The following PLCZ1 variants were observed in gnomAD, a reference collection of about 807,000 sequenced individuals.
PLCZ1 encodes 1-phosphatidylinositol 4,5-bisphosphate phosphodiesterase zeta-1.
PLCZ1 carries 64 observed loss-of-function variants against 76.8 expected under a neutral mutation model. The ratio of observed to expected loss-of-function variants is 0.83; its 90% confidence interval spans 0.68 to 1.03. The LOEUF is 1.03. Among genes scored for constraint, PLCZ1 ranks in the 50% least tolerant of loss-of-function variants. PLCZ1 has a pLI of 0.00. For synonymous variants in PLCZ1, 248 were observed against 230.8 expected, an observed-to-expected ratio of 1.07 and a Z score of -0.68; for missense variants, 751 against 713.7, an observed-to-expected ratio of 1.05 and a Z score of -0.60.
downstream of PLCZ1, among the ~76,000 whole-genome samples, chr12:18,681,817 G>T (rs1471798983): frequency 1.3e-5 from 2 of 152,006 alleles, no homozygotes; most frequent in Non-Finnish European, 2.9e-5. Flanking sequence ...TCATTTCAAA[G>T]CTTGATGGTA....
chr12:18,712,581 A>T (rs1471776592), intron 6 of PLCZ1, among the ~76,000 whole-genome samples: 1 of 152,146 alleles, frequency 6.6e-6, no homozygotes, highest in Non-Finnish European at 1.5e-5. Flanking sequence ...TAATAAATAT[A>T]TTTTACCTTG....
At chr12:18,721,348 T>C (rs2137532092) in intron 4 of PLCZ1, among the ~76,000 whole-genome samples, 1 of 152,180 alleles carries the variant, frequency 6.6e-6, no homozygotes, top group Admixed American at 6.6e-5. Context: ...ATAATTCAAA[T>C]TGGCCTTAAT....
At chr12:18,693,828 T>A (rs1397497767) in intron 12 of PLCZ1, 1 of 1,529,938 alleles carries the variant, frequency 6.5e-7, no homozygotes, top group Non-Finnish European at 9.0e-7. Context: ...GGCAGGAAGA[T>A]TGAGTTCCCC....
At chr12:18,659,449 T>C in the PLCZ1 span, among the ~76,000 whole-genome samples, 25 of 152,228 alleles carry the variant, frequency 1.6e-4, no homozygotes, top group African/African-American at 5.5e-4. Flanking sequence ...AGAGATGATG[T>C]TTCATAAACA....
downstream of PLCZ1, among the ~76,000 whole-genome samples, chr12:18,679,493 A>G (rs12311836): frequency 0.38 from 58,338 of 151,664 alleles, 13,951 homozygotes; most frequent in South Asian, 0.59. Flanking sequence ...GACAACATTC[A>G]TTTTTTCCAG....
At chr12:18,695,638 A>G (rs1954865834) in intron 11 of PLCZ1, among the ~76,000 whole-genome samples, 1 of 151,662 alleles carries the variant, frequency 6.6e-6, no homozygotes, top group Non-Finnish European at 1.5e-5. Context: ...GCCACAATCC[A>G]GTAGAAGGGT....
chr12:18,653,168 A>G, the PLCZ1 span, among the ~76,000 whole-genome samples: 327 of 152,268 alleles, frequency 2.1e-3, 2 homozygotes, highest in African/African-American at 7.6e-3. Context: ...TGGTTGCAGT[A>G]GCAGAGACCC....
chr12:18,696,014 A>C, intron 11 of PLCZ1, 136 bp downstream of exon 11: 1 of 562,504 alleles, frequency 1.8e-6, no homozygotes, highest in South Asian at 1.9e-5. Flanking sequence ...ATGACCCACC[A>C]TTAGTGCCTG....
In PLCZ1 at chr12:18,721,918, A is replaced by G. The variant is rs1463859993; in HGVS notation, c.367+1393T>C. Among the ~76,000 whole-genome samples, 3 of 151,978 alleles carry G rather than the reference A, an allele frequency of 2.0e-5. No homozygotes were observed. The East Asian group carries it at 5.8e-4, about 29-fold the overall frequency. On this transcript the variant is annotated intron_variant, in intron 4 of 14. Transcript: ENST00000266505. ...AATCTTTGCATGGCACTGAGTCATG[A>G]AGCCAAAATCTTTATTGTGGCCTAT...
chr12:18,719,651 A>AG lies in PLCZ1; in HGVS notation c.368-20_368-19insC. On this transcript the variant is annotated intron_variant, in intron 4 of 14. Transcript: ENST00000266505. Reference sequence around the variant, plus strand: ...TTCCTAACTAAAAAAATAAAATAAAATAAGTTAAAAGGATGCAAAAATACC... The same window carrying AG: ...TTCCTAACTAAAAAAATAAAATAAAAGTAAGTTAAAAGGATGCAAAAATACC... 1 of 1,535,132 alleles carries AG rather than the reference A, an allele frequency of 6.5e-7. No individual in the cohort carries two copies.
intron 3 of PLCZ1, among the ~76,000 whole-genome samples, chr12:18,727,115 G>C (rs2150740898): frequency 6.6e-6 from 1 of 152,178 alleles, no homozygotes; most frequent in Admixed American, 6.6e-5. Flanking sequence ...GGAAGTCAAG[G>C]TGGGAGGAGC....
the PLCZ1 span, among the ~76,000 whole-genome samples, chr12:18,675,343 A>C: frequency 6.6e-6 from 1 of 152,152 alleles, no homozygotes; most frequent in East Asian, 1.9e-4. Flanking sequence ...CCATTATAGA[A>C]GTCTAGGTAC....
intron 6 of PLCZ1, among the ~76,000 whole-genome samples, chr12:18,708,234 GT>G (rs938253659): frequency 1.3e-5 from 2 of 151,876 alleles, no homozygotes; most frequent in Admixed American, 6.6e-5. Context: ...ACATTTGAGA[GT>G]TTTTTTTCTA....
At chr12:18,668,499 C>T in the PLCZ1 span, among the ~76,000 whole-genome samples, 2 of 152,160 alleles carry the variant, frequency 1.3e-5, no homozygotes, top group East Asian at 1.9e-4. Context: ...ACCTGCCTGC[C>T]GTCTACTACA....
intron 3 of PLCZ1, among the ~76,000 whole-genome samples, chr12:18,724,272 G>A (rs527627881): frequency 3.3e-5 from 5 of 152,086 alleles, no homozygotes; most frequent in East Asian, 3.9e-4. Context: ...AACAGACCTC[G>A]GTGAAATGAC....
At chr12:18,692,323 T>TATA (rs1489566251) in intron 12 of PLCZ1, among the ~76,000 whole-genome samples, 1 of 152,106 alleles carries the variant, frequency 6.6e-6, no homozygotes, top group Admixed American at 6.6e-5. Context: ...CAGGTACAGT[T>TATA]ATAGCCTAAA....
chr12:18,734,659 G>T (rs574949285), intron 3 of PLCZ1, among the ~76,000 whole-genome samples: 40 of 152,242 alleles, frequency 2.6e-4, no homozygotes, highest in African/African-American at 9.4e-4. Flanking sequence ...CCTTGTGGTA[G>T]TTTGTTAACA....
the PLCZ1 span, among the ~76,000 whole-genome samples, chr12:18,665,892 G>T: frequency 6.7e-6 from 1 of 148,618 alleles, no homozygotes; most frequent in African/African-American, 2.5e-5. Flanking sequence ...CCAAGATCGC[G>T]CCATTGTACT....
At chr12:18,693,064 G>T (rs553937876) in intron 12 of PLCZ1, 181 of 1,490,978 alleles carry the variant, frequency 1.2e-4, no homozygotes, top group Non-Finnish European at 1.7e-4. Flanking sequence ...GAAGGGAAAA[G>T]ATCAAAAGTG....
Sources: gnomAD v4.1 joint callset for allele counts (sites outside exome capture counted in the v4.1 genomes callset) on GRCh38, gnomAD v4.1.1 for gene constraint, MANE v1.5 for transcripts, NCBI Gene and HGNC (gene_info 2026-07-23, HGNC 2026-07-21) for gene names.